CCSER1: variants seen among roughly 807,000 people sequenced by gnomAD.
CCSER1 encodes coiled-coil serine rich protein 1.
Under a neutral mutation model 82.0 loss-of-function variants are expected in CCSER1, and 41 were observed. That is an observed-to-expected ratio of 0.50 (90% CI 0.39 to 0.65). The LOEUF (loss-of-function observed/expected upper bound fraction) is 0.65, where lower values mean the gene tolerates loss of function less well. Among genes scored for constraint, CCSER1 ranks in the 30% least tolerant of loss-of-function variants. The pLI is 0.00. For synonymous variants in CCSER1, 414 were observed against 383.9 expected (o/e 1.08, Z -0.92); for missense variants, 1,119 against 1,064.2 (o/e 1.05, Z -0.72).
At chr4:91,131,377 C>G (rs990101893) in intron 10 of CCSER1, among the ~76,000 whole-genome samples, 4 of 147,856 alleles carry the variant, frequency 2.7e-5, no homozygotes, top group Admixed American at 6.8e-5. Context: ...TTGCAAGATT[C>G]CACACTGTTG....
chr4:90,485,089 C>T (rs543079778), intron 5 of CCSER1, among the ~76,000 whole-genome samples: 1 of 152,230 alleles, frequency 6.6e-6, no homozygotes. Flanking sequence ...CGCCCCTCCC[C>T]CAGCCTTGCT....
chr4:91,318,071 T>A (rs1023029893), intron 10 of CCSER1, among the ~76,000 whole-genome samples: 1 of 151,868 alleles, frequency 6.6e-6, no homozygotes, highest in African/African-American at 2.4e-5. Context: ...ATTGGTGCCT[T>A]TAAAATACAC....
At chr4:90,500,881 A>G (rs1271836745) in intron 5 of CCSER1, among the ~76,000 whole-genome samples, 2 of 152,080 alleles carry the variant, frequency 1.3e-5, no homozygotes, top group Non-Finnish European at 2.9e-5. Flanking sequence ...TTCTAAGTAA[A>G]ATATATATGA....
At chr4:90,625,784 CA>C (rs1430912569) in intron 5 of CCSER1, among the ~76,000 whole-genome samples, 1 of 151,928 alleles carries the variant, frequency 6.6e-6, no homozygotes, top group African/African-American at 2.4e-5. Flanking sequence ...AAAATATATT[CA>C]AATTATTGAA....
At chr4:91,153,897 G>C (rs191567248) in intron 10 of CCSER1, among the ~76,000 whole-genome samples, 1 of 152,038 alleles carries the variant, frequency 6.6e-6, no homozygotes, top group East Asian at 1.9e-4. Context: ...GCCCCCGGCT[G>C]TATGAGGTGT....
At chr4:90,393,832 A>G (rs976997983) in intron 3 of CCSER1, among the ~76,000 whole-genome samples, 15 of 126,692 alleles carry the variant, frequency 1.2e-4, no homozygotes, top group African/African-American at 4.7e-4. Context: ...GCTGGAGTGC[A>G]GTGTGGCACA....
At chr4:91,228,349 A>G (rs1738367619) in intron 10 of CCSER1, among the ~76,000 whole-genome samples, 2 of 152,092 alleles carry the variant, frequency 1.3e-5, no homozygotes, top group African/African-American at 4.8e-5. Context: ...TATTTTCAAG[A>G]TTGTTTATAA....
chr4:91,109,315 A>C (rs1011791082), intron 10 of CCSER1, among the ~76,000 whole-genome samples: 3 of 152,026 alleles, frequency 2.0e-5, no homozygotes, highest in Non-Finnish European at 4.4e-5. Context: ...TTGATGTATC[A>C]ATCTATCATG....
At position 91,539,122 on chromosome 4, in the gene CCSER1, T is replaced by C. The variant is rs137991826; in HGVS notation, c.2218-59450T>C. ...TTTTAGTTAACTTTGACATTTTCAC[T>C]TCTTTATCTCTAGCTGTTAACTCTT... On this transcript the variant is annotated intron_variant, in intron 10 of 10. Transcript: ENST00000509176. Among the ~76,000 whole-genome samples the C allele has an allele frequency of 3.2e-3, 484 of 152,248 alleles. 4 individuals are homozygous for C. The highest frequency in any genetic ancestry group is 0.011 in the African/African-American group (474 of 41,566).
At chr4:90,981,831 C>T (rs1736141849) in intron 9 of CCSER1, among the ~76,000 whole-genome samples, 1 of 151,758 alleles carries the variant, frequency 6.6e-6, no homozygotes, top group Non-Finnish European at 1.5e-5. Flanking sequence ...GGTGTGGTTG[C>T]TATAAACATT....
At chr4:90,187,334 T>C (rs541148180) in intron 1 of CCSER1, among the ~76,000 whole-genome samples, 5 of 151,286 alleles carry the variant, frequency 3.3e-5, no homozygotes, top group Admixed American at 6.6e-5. Context: ...AATGACATTG[T>C]AGATTTGATA....
chr4:91,160,508 A>G (rs369296864), intron 10 of CCSER1, among the ~76,000 whole-genome samples: 18 of 152,328 alleles, frequency 1.2e-4, no homozygotes, highest in Non-Finnish European at 2.4e-4. Context: ...TTACAGTCCC[A>G]CCAACAGTGC....
intron 1 of CCSER1, among the ~76,000 whole-genome samples, chr4:90,180,902 G>A (rs1368372105): frequency 1.3e-5 from 2 of 152,050 alleles, no homozygotes; most frequent in Non-Finnish European, 2.9e-5. Flanking sequence ...TAGACTATAC[G>A]AGTTTGAATA....
chr4:91,463,332 A>T (rs1756629318), intron 10 of CCSER1, among the ~76,000 whole-genome samples: 1 of 152,212 alleles, frequency 6.6e-6, no homozygotes, highest in African/African-American at 2.4e-5. Flanking sequence ...AACAGAAAGG[A>T]CATCCACACC....
At chr4:90,559,958 A>G (rs1335424620) in intron 5 of CCSER1, among the ~76,000 whole-genome samples, 1 of 152,034 alleles carries the variant, frequency 6.6e-6, no homozygotes, top group East Asian at 1.9e-4. Context: ...TCTCAAAAAA[A>G]AAAAGGAAAA....
At chr4:90,226,179 T>G (rs920838013) in intron 1 of CCSER1, among the ~76,000 whole-genome samples, 2 of 152,226 alleles carry the variant, frequency 1.3e-5, no homozygotes, top group Admixed American at 1.3e-4. Flanking sequence ...AGAAAACTGC[T>G]TCTGCATGAA....
At chr4:91,222,301 C>T (rs1737819012) in intron 10 of CCSER1, among the ~76,000 whole-genome samples, 1 of 151,844 alleles carries the variant, frequency 6.6e-6, no homozygotes, top group Middle Eastern at 3.4e-3. Flanking sequence ...CATCCAACAG[C>T]CATAATCGCC....
chr4:91,275,298 T>G (rs1174191675), intron 10 of CCSER1, among the ~76,000 whole-genome samples: 13 of 145,854 alleles, frequency 8.9e-5, no homozygotes, highest in Non-Finnish European at 9.0e-5. Context: ...CCAGCATCTG[T>G]TTTTTTTTGT....
At chr4:91,096,354 C>A (rs918065233) in intron 10 of CCSER1, among the ~76,000 whole-genome samples, 1 of 152,176 alleles carries the variant, frequency 6.6e-6, no homozygotes, top group African/African-American at 2.4e-5. Context: ...TGCCATGAGT[C>A]TTCAGGCTCT....
Sources: allele counts gnomAD v4.1 joint callset (sites outside exome capture counted in the v4.1 genomes callset), GRCh38; gene constraint gnomAD v4.1.1; transcripts MANE v1.5; gene names NCBI Gene and HGNC (gene_info 2026-07-23, HGNC 2026-07-21).